Variants in ADAMTSL4 observed in about 807,000 individuals in gnomAD.
ADAMTSL4 encodes ADAMTS like 4, also known as ADAMTS-like protein 4.
In ADAMTSL4, 97 loss-of-function variants were observed where a neutral mutation model predicts 122.8. The ratio of observed to expected loss-of-function variants is 0.79; its 90% CI spans 0.67 to 0.93. ADAMTSL4 has a LOEUF of 0.93. Among genes scored for constraint, ADAMTSL4 ranks in the 40% least tolerant of loss-of-function variants. The probability of loss-of-function intolerance (pLI) is 0.00; values close to 1 mark genes in which losing one functional copy is unlikely to be tolerated. For synonymous variants in ADAMTSL4, 592 were observed against 568.0 expected, an observed-to-expected ratio of 1.04 and a Z score of -0.60; for missense variants, 1,408 against 1,453.5, an observed-to-expected ratio of 0.97 and a Z score of 0.51.
Position 150,553,961 on chromosome 1 carries a change from C to A in ADAMTSL4, c.970C>A (p.His324Asn). 1 of 1,610,288 alleles carries A rather than the reference C, an allele frequency of 6.2e-7. No homozygotes were observed. The highest frequency in any genetic ancestry group is 8.5e-7 in the Non-Finnish European group (1 of 1,178,746). Residue 324 changes from histidine (H) to asparagine (N), a missense_variant, in exon 6 of 19, where the codon CAC becomes AAC. Physicochemically the swap from His to Asn is moderately conservative, Grantham distance 68. Transcript: ENST00000271643. ...QGPWGTGGTP[H>N]GPRLEPDPQH... The stretch of plus-strand genomic sequence containing the variant: ...GCCTTGGGGAACGGGGGGGACTCCT[C>A]ACGGGCCCCGCCTGGAGCCTGACCC...
At position 150,557,976 on chromosome 1, in the gene ADAMTSL4, C is replaced by T. The variant is rs377733557; in HGVS notation, c.2209C>T (p.Arg737Cys). The change falls in exon 14 of 19, where the codon CGC (arginine) becomes TGC (cysteine). Residue 737 changes from arginine to cysteine, a missense_variant. Transcript: ENST00000271643. ...WEAGEWTSCS[R>C]SCGPGTQHRQ... is the part of the protein sequence containing the mutation. The stretch of plus-strand genomic sequence containing the variant: ...GGCTGGCGAGTGGACATCCTGCAGC[C>T]GCTCCTGTGGCCCCGGCACCCAGCA... 6.3e-5 allele frequency: 102 copies of T among 1,610,350 alleles called. 1 individual carries two copies. The highest frequency in any genetic ancestry group is 1.6e-4 in the African/African-American group (12 of 74,906).
intron 14 of ADAMTSL4, 133 bp from the exon 15 acceptor site, chr1:150,558,340 C>T (rs1672416921): frequency 2.6e-6 from 4 of 1,533,140 alleles, no homozygotes; most frequent in Non-Finnish European, 3.5e-6. Flanking sequence ...GCTCAGCCTC[C>T]TCCTCAGCCC....
chr1:150,559,930 C>A lies in ADAMTSL4; in HGVS notation c.3088+25C>A. On this transcript the variant is annotated intron_variant, in intron 18 of 18. Transcript: ENST00000271643. This position sits in a 1 kb window ranked among gnomAD's most constrained non-coding sequence, Gnocchi z 4.1. ...GGTAAAGAGCCCCCTCTCCCCAATC[C>A]CCAATACAGTGGATTAGCTGAAGTA... is the stretch of plus-strand genomic sequence containing the variant. 6.2e-7 allele frequency: 1 copy of A among 1,613,814 alleles called. No homozygotes were observed. Among genetic ancestry groups the A allele is most frequent in the Non-Finnish European group, 8.5e-7 (1 of 1,180,012 alleles).
intron 14 of ADAMTSL4, 66 bp from the exon 15 acceptor site, chr1:150,558,407 T>C: frequency 1.9e-6 from 3 of 1,605,190 alleles, no homozygotes; most frequent in Non-Finnish European, 8.5e-7. Flanking sequence ...TTCTGAAGCC[T>C]AGAGCTGGAA....
At chr1:150,555,682 T>G in intron 8 of ADAMTSL4, 117 bp downstream of exon 8, 2 of 1,426,386 alleles carry the variant, frequency 1.4e-6, no homozygotes, top group Non-Finnish European at 9.5e-7. Flanking sequence ...TGCAAGCACA[T>G]ACACACACGC....
chr1:150,557,690 T>C, intron 13 of ADAMTSL4, 67 bp downstream of exon 13: 2 of 1,532,372 alleles, frequency 1.3e-6, no homozygotes, highest in Admixed American at 3.8e-5. Flanking sequence ...CCCAGAATCT[T>C]ACCTGAACTC....
In ADAMTSL4 at chr1:150,553,264, T is replaced by C. The variant is rs912511863; in HGVS notation, c.434+11T>C. The C allele has an allele frequency of 2.5e-6, 4 of 1,610,432 alleles. No individual in the cohort carries two copies. Among genetic ancestry groups the C allele is most frequent in the Non-Finnish European group, 2.5e-6 (3 of 1,178,076 alleles). On this transcript the variant is annotated intron_variant, in intron 5 of 18. Transcript: ENST00000271643. ...TCGAGCGGCCAGGAGGTGAGAGGCC[T>C]GGGTGGAAGAGGTGGGCCTTGGGCA...
chr1:150,559,853 G>A lies in ADAMTSL4; in HGVS notation c.3036G>A (p.Leu1012=), dbSNP rs201761304. 3 of 1,613,986 alleles carry A rather than the reference G, an allele frequency of 1.9e-6. No individual in the cohort carries two copies. In the Admixed American group the frequency reaches 5.0e-5, roughly 27 times the overall value. Residue 1012 remains leucine (L), a synonymous_variant, in exon 18 of 19, where the codon CTG becomes CTA. Coordinates refer to ENST00000271643, the MANE Select transcript of ADAMTSL4 (RefSeq NM_019032.6). This position sits in a 1 kb window ranked among gnomAD's most constrained non-coding sequence, Gnocchi z 4.1. ...QTLSTRCPPQ[L]RPSRKRPCNS... ...TCAGCACCCGATGCCCTCCTCAACT[G>A]CGGCCCTCCAGGAAGCGCCCCTGTA...
At chr1:150,551,123 A>G in intron 2 of ADAMTSL4, 3 of 409,236 alleles carry the variant, frequency 7.3e-6, no homozygotes, top group South Asian at 1.8e-5. Context: ...TCACTTCTCC[A>G]GTGTTCAAAG....
chr1:150,556,940 T>A lies in ADAMTSL4; in HGVS notation c.1751T>A (p.Met584Lys). 3.7e-6 allele frequency: 6 copies of A among 1,613,822 alleles called. No individual in the cohort carries two copies. The highest frequency in any genetic ancestry group is 5.1e-6 in the Non-Finnish European group (6 of 1,179,714). ...GPTTQPVDVY[M>K]IFQEENPGVF... is the part of the protein sequence containing the mutation. ...TTCATTATCTTCTCTTCTCCCCAGA[T>A]GATCTTTCAGGAGGAAAACCCAGGC... The change falls in exon 11 of 19, where the codon ATG (methionine) becomes AAG (lysine). Residue 584 changes from methionine (M) to lysine (K), a missense_variant and splice_region_variant. Physicochemically the swap from Met to Lys is moderately conservative, Grantham distance 95. Transcript: ENST00000271643. The surrounding 1 kb of genome is among the most constrained non-coding windows in gnomAD (Gnocchi z 4.1).
At chr1:150,557,668 A>G in intron 13 of ADAMTSL4, 45 bp downstream of exon 13, 1 of 1,574,376 alleles carries the variant, frequency 6.4e-7, no homozygotes, top group Non-Finnish European at 8.6e-7. Context: ...TACTGGAAAC[A>G]CAGCAGTTGC....
chr1:150,550,567 C>A, intron 2 of ADAMTSL4: 1 of 372,336 alleles, frequency 2.7e-6, no homozygotes, highest in Non-Finnish European at 5.3e-6. Context: ...GGGTCGGCAT[C>A]AGAGAAGGGG....
chr1:150,557,851 C>T, intron 13 of ADAMTSL4, 94 bp from the exon 14 acceptor site: 1 of 1,490,058 alleles, frequency 6.7e-7, no homozygotes, highest in Admixed American at 2.0e-5. Flanking sequence ...TCTGAGGCCC[C>T]CACGTCCAGT....
At position 150,556,387 on chromosome 1, in the gene ADAMTSL4, C is replaced by T. The variant is rs747973290; in HGVS notation, c.1576+21C>T. The T allele has an allele frequency of 3.2e-5, 51 of 1,613,512 alleles. 1 individual carries two copies. In the Middle Eastern group the frequency reaches 6.6e-4, roughly 21 times the overall value. On this transcript the variant is annotated intron_variant, in intron 9 of 18. Coordinates refer to ENST00000271643, the MANE Select transcript of ADAMTSL4 (RefSeq NM_019032.6). This position sits in a 1 kb window ranked among gnomAD's most constrained non-coding sequence, Gnocchi z 4.1. ...CCTGGGTGAGCACCCAGCTGCCTCC[C>T]CTTCCACTTCCGTCTCTGTTCGGCC... is the stretch of plus-strand genomic sequence containing the variant.
At position 150,557,352 on chromosome 1, in the gene ADAMTSL4, C is replaced by T. The variant is rs748371178; in HGVS notation, c.2047+17C>T. 71 of 1,606,402 alleles carry T rather than the reference C, an allele frequency of 4.4e-5. No individual in the cohort carries two copies. The East Asian group carries it at 9.9e-4, about 22-fold the overall frequency. ...GCGGGAAAGGTGAGACATCACAGTG[C>T]GTTCCCCGCATCTCGGTCCAAACCC... is the stretch of plus-strand genomic sequence containing the variant. On this transcript the variant is annotated intron_variant, in intron 12 of 18. Coordinates refer to ENST00000271643, the MANE Select transcript of ADAMTSL4 (RefSeq NM_019032.6).
At chr1:150,550,315 G>A (rs1671266268) in intron 2 of ADAMTSL4, 1 of 455,332 alleles carries the variant, frequency 2.2e-6, no homozygotes, top group Admixed American at 2.3e-5. Context: ...TGCAGAGGAG[G>A]GGGCATGGGC....
Position 150,557,172 on chromosome 1 carries a change from A to G in ADAMTSL4, c.1884A>G (p.Pro628=), listed in dbSNP as rs755744411. The change falls in exon 12 of 19, where the codon CCA becomes CCG. Residue 628 remains proline (P), a synonymous_variant. Coordinates refer to ENST00000271643, the MANE Select transcript of ADAMTSL4 (RefSeq NM_019032.6). ...CAGAGATTCTGAGGGTGGAGCCCCC[A>G]CTTGCTCCGGCACCCCGCCCAGCCC... The part of the protein sequence containing the change: ...LQPEILRVEP[P]LAPAPRPART... 5 of 1,611,552 alleles carry G rather than the reference A, an allele frequency of 3.1e-6. No homozygotes were observed. In the East Asian group the frequency reaches 8.9e-5, roughly 29 times the overall value.
Position 150,553,068 on chromosome 1 carries a change from C to A in ADAMTSL4, c.249C>A (p.Pro83=). The part of the protein sequence containing the change: ...LPTVQLHPSL[P]LPPRPPRHPE... ...CAGTGCAGCTCCACCCGAGTCTGCC[C>A]CTCCCTCCCCGGCCCCCAAGACATC... The change falls in exon 5 of 19, where the codon CCC becomes CCA. Residue 83 remains proline, a synonymous_variant. Transcript: ENST00000271643. 1 of 1,613,456 alleles carries A rather than the reference C, an allele frequency of 6.2e-7. No individual in the cohort carries two copies. Among genetic ancestry groups the A allele is most frequent in the Non-Finnish European group, 8.5e-7 (1 of 1,179,842 alleles).
intron 11 of ADAMTSL4, 32 bp from the exon 12 acceptor site, chr1:150,557,118 G>A: frequency 6.2e-7 from 1 of 1,613,226 alleles, no homozygotes; most frequent in African/African-American, 1.3e-5. Context: ...GGGCAGTGGG[G>A]TGGCATCTGA....
Sources: allele counts gnomAD v4.1 joint callset, GRCh38; gene constraint gnomAD v4.1.1; non-coding constraint Gnocchi (gnomAD v3.1); transcripts MANE v1.5; gene names NCBI Gene and HGNC (gene_info 2026-07-23, HGNC 2026-07-21).